The following MITF variants were observed in gnomAD, a reference collection of about 807,000 sequenced individuals.
The protein encoded by MITF is melanocyte inducing transcription factor.
Under a neutral mutation model 60.5 loss-of-function variants are expected in MITF, and 17 were observed. That is an observed-to-expected ratio of 0.28 (90% CI 0.19 to 0.42). The LOEUF (loss-of-function observed/expected upper bound fraction) is 0.42, where lower values mean the gene tolerates loss of function less well. Among genes scored for constraint, MITF ranks in the 10% least tolerant of loss-of-function variants. MITF has a pLI of 1.00. For synonymous variants in MITF, 260 were observed against 248.5 expected, an observed-to-expected ratio of 1.05 and a Z score of -0.43; for missense variants, 622 against 683.5, an observed-to-expected ratio of 0.91 and a Z score of 1.00.
chr3:69,955,789 G>A (rs1343996083), intron 7 of MITF, among the ~76,000 whole-genome samples: 1 of 152,040 alleles, frequency 6.6e-6, no homozygotes, highest in African/African-American at 2.4e-5. Flanking sequence ...ACTCCAGCCT[G>A]GGTGACAGAG....
At chr3:69,872,649 T>C (rs2064264828) in intron 1 of MITF, among the ~76,000 whole-genome samples, 1 of 152,160 alleles carries the variant, frequency 6.6e-6, no homozygotes, top group South Asian at 2.1e-4. Flanking sequence ...CTTATTAAGG[T>C]TCTCCTTGAT....
At chr3:69,872,143 A>G (rs2064252859) in intron 1 of MITF, among the ~76,000 whole-genome samples, 1 of 152,188 alleles carries the variant, frequency 6.6e-6, no homozygotes, top group Non-Finnish European at 1.5e-5. Flanking sequence ...GATTTCCTTG[A>G]AAGGAATTGA....
chr3:69,750,199 A>C (rs1472944386), intron 1 of MITF, among the ~76,000 whole-genome samples: 1 of 152,032 alleles, frequency 6.6e-6, no homozygotes, highest in Admixed American at 6.6e-5. Flanking sequence ...CTTTCTAAAA[A>C]AGTCAATTTC....
At chr3:69,912,624 A>C (rs1405921732) in intron 2 of MITF, among the ~76,000 whole-genome samples, 3 of 152,200 alleles carry the variant, frequency 2.0e-5, no homozygotes, top group Non-Finnish European at 2.9e-5. Context: ...TTACCAAAGA[A>C]AGTATGATCA....
rs577990150 is a variant in MITF, at chr3:69,776,544, A to G, written c.104+36843A>G. ...AAGATTAACTGAGTTAGTATGTGTC[A>G]AGTGTTGATAACAACTTGTGGTTCA... On this transcript the variant is annotated intron_variant, in intron 1 of 9. Transcript: ENST00000352241. Among the ~76,000 whole-genome samples, 4 of 152,310 alleles carry G rather than the reference A, an allele frequency of 2.6e-5. No individual in the cohort carries two copies. In the East Asian group the frequency reaches 7.7e-4, roughly 29 times the overall value.
At chr3:69,888,568 C>G (rs985447079) in intron 2 of MITF, among the ~76,000 whole-genome samples, 1 of 151,952 alleles carries the variant, frequency 6.6e-6, no homozygotes, top group Middle Eastern at 3.2e-3. Flanking sequence ...ACTTAGCACA[C>G]GCCGCTAAGT....
intron 1 of MITF, among the ~76,000 whole-genome samples, chr3:69,793,212 C>T (rs565109066): frequency 2.0e-5 from 3 of 151,674 alleles, no homozygotes; most frequent in South Asian, 4.2e-4. Flanking sequence ...GATGGGGTTT[C>T]GCCATGTTGC....
intron 1 of MITF, among the ~76,000 whole-genome samples, chr3:69,788,871 G>A (rs1178569331): frequency 6.6e-6 from 1 of 152,096 alleles, no homozygotes; most frequent in East Asian, 1.9e-4. Context: ...TCATCAAATG[G>A]GGTTGGGAAA....
At chr3:69,745,743 T>C (rs1703700707) in intron 1 of MITF, among the ~76,000 whole-genome samples, 2 of 151,598 alleles carry the variant, frequency 1.3e-5, no homozygotes, top group Admixed American at 1.3e-4. Flanking sequence ...GTGCTGTCTG[T>C]GGTCGCTGCT....
chr3:69,906,601 GCAAGTGTACTTGTATAATCTTTAA>G (rs1184200963), intron 2 of MITF, among the ~76,000 whole-genome samples: 5 of 152,118 alleles, frequency 3.3e-5, no homozygotes, highest in African/African-American at 1.2e-4. Context: ...TGAGTTATAT[GCAAGTGTACTTGTATAATCTTTAA>G]CATTTTCTAA....
intron 1 of MITF, among the ~76,000 whole-genome samples, chr3:69,845,842 A>G (rs1177555786): frequency 6.6e-6 from 1 of 152,030 alleles, no homozygotes; most frequent in Non-Finnish European, 1.5e-5. Flanking sequence ...CTTTTCTTTA[A>G]TGTCCCTCTT....
chr3:69,797,543 G>A (rs1202358058), intron 1 of MITF, among the ~76,000 whole-genome samples: 1 of 152,098 alleles, frequency 6.6e-6, no homozygotes, highest in Non-Finnish European at 1.5e-5. Flanking sequence ...AGGTGTGATG[G>A]TGGAGTAATT....
intron 2 of MITF, among the ~76,000 whole-genome samples, chr3:69,934,570 A>G (rs1174972209): frequency 6.6e-6 from 1 of 152,180 alleles, no homozygotes; most frequent in Non-Finnish European, 1.5e-5. Context: ...ATTCCCATTC[A>G]ATATGCTAGG....
rs1236808865 is a variant in MITF, at chr3:69,966,895, A to G, written c.*1647A>G. ...CTGACTGAACTGTAATGTAGGGGAA[A>G]GTTTCATGATGGTATCTATAGTCAA... On this transcript the variant is annotated 3_prime_UTR_variant, in exon 10 of 10. Transcript: ENST00000352241. 3.9e-5 allele frequency: 9 copies of G among 232,548 alleles called. No homozygotes were observed. The highest frequency in any genetic ancestry group is 7.7e-5 in the Non-Finnish European group (9 of 117,414). The allele number at this position is 232,548 out of a possible 1,614,324, so 14.4% of individuals were successfully genotyped here.
intron 1 of MITF, among the ~76,000 whole-genome samples, chr3:69,827,445 C>T (rs930298630): frequency 6.6e-6 from 1 of 152,198 alleles, no homozygotes; most frequent in Non-Finnish European, 1.5e-5. Context: ...CCATTTGGGA[C>T]ATATTTGTCT....
At chr3:69,915,542 A>G (rs1332402238) in intron 2 of MITF, among the ~76,000 whole-genome samples, 1 of 151,876 alleles carries the variant, frequency 6.6e-6, no homozygotes, top group Non-Finnish European at 1.5e-5. Context: ...ATATATATTT[A>G]TAACCTAATG....
At chr3:69,824,679 T>C (rs9862205) in intron 1 of MITF, among the ~76,000 whole-genome samples, 76,346 of 152,020 alleles carry the variant, frequency 0.5, 20,872 homozygotes, top group Non-Finnish European at 0.63. Flanking sequence ...GTGGCTTCTC[T>C]AGCACCATGT....
At chr3:69,843,888 C>G (rs1467163662) in intron 1 of MITF, among the ~76,000 whole-genome samples, 3 of 152,146 alleles carry the variant, frequency 2.0e-5, no homozygotes, top group African/African-American at 7.2e-5. Context: ...TGCTTTCCCT[C>G]TCCTAGTCCC....
chr3:69,931,695 G>A (rs1430099411), intron 2 of MITF, among the ~76,000 whole-genome samples: 2 of 152,144 alleles, frequency 1.3e-5, no homozygotes, highest in African/African-American at 4.8e-5. Flanking sequence ...CCATAAATAT[G>A]TGATATAAAT....
Sources: allele counts gnomAD v4.1 joint callset (sites outside exome capture counted in the v4.1 genomes callset), GRCh38; gene constraint gnomAD v4.1.1; transcripts MANE v1.5; gene names NCBI Gene and HGNC (gene_info 2026-07-23, HGNC 2026-07-21).